SI: variants seen among roughly 807,000 people sequenced by gnomAD.
SI encodes the protein sucrase-isomaltase.
Under a neutral mutation model 253.3 loss-of-function variants are expected in SI, and 235 were observed. The observed-to-expected ratio is 0.93, with a 90% CI of 0.83 to 1.03. The LOEUF (loss-of-function observed/expected upper bound fraction) is 1.03. Among genes scored for constraint, SI ranks in the 50% least tolerant of loss-of-function variants. The pLI is 0.00. For missense variants in SI, 2,442 were observed against 2,211.1 expected, an observed-to-expected ratio of 1.10 and a Z score of -2.09; for synonymous variants, 819 against 712.0, an observed-to-expected ratio of 1.15 and a Z score of -2.39.
rs547589681 is a variant in SI at position 165,012,903 on chromosome 3, T to C, written c.4062+77A>G. ...CTATTTTTAAAGAAAAGCATTCAAA[T>C]TTAGTTATTGATTAAAATAATCAAG... On this transcript the variant is annotated intron_variant, in intron 34 of 47. Coordinates refer to ENST00000264382, the MANE Select transcript of SI (RefSeq NM_001041.4). 1,352 of 903,588 alleles carry C rather than the reference T, an allele frequency of 1.5e-3. 3 individuals carry two copies. The highest frequency in any genetic ancestry group is 2.3e-3 in the Admixed American group (137 of 58,856). 56.0% of individuals were successfully genotyped at this position (903,588 alleles called of 1,614,324 possible).
intron 15 of SI, among the ~76,000 whole-genome samples, chr3:165,047,835 T>G (rs928705300): frequency 3.5e-5 from 2 of 56,768 alleles, no homozygotes; most frequent in Non-Finnish European, 7.0e-5. Context: ...ACTTACATAA[T>G]TAAGAAGATT....
chr3:165,050,797 T>C (rs576826545), intron 13 of SI, among the ~76,000 whole-genome samples: 1 of 152,150 alleles, frequency 6.6e-6, no homozygotes, highest in Admixed American at 6.6e-5. Context: ...TAATTACATT[T>C]CCTTTTCCCC....
chr3:165,044,784 A>T (rs1238246670), intron 16 of SI, among the ~76,000 whole-genome samples: 2 of 151,924 alleles, frequency 1.3e-5, no homozygotes, highest in African/African-American at 4.8e-5. Flanking sequence ...TTCTCTTAAG[A>T]TTTATTCTCC....
At chr3:165,086,718 G>A in the SI span, among the ~76,000 whole-genome samples, 1 of 152,164 alleles carries the variant, frequency 6.6e-6, no homozygotes, top group Admixed American at 6.6e-5. Context: ...AAATCCAGAA[G>A]AACTCAAAGA....
chr3:164,992,146 G>T, intron 43 of SI, 31 bp downstream of exon 43: 2 of 1,567,862 alleles, frequency 1.3e-6, no homozygotes, highest in South Asian at 2.2e-5. Flanking sequence ...TTTCTGTTTA[G>T]TTAATTCCCC....
At chr3:165,027,272 C>T (rs1027983202) in intron 25 of SI, among the ~76,000 whole-genome samples, 1 of 151,010 alleles carries the variant, frequency 6.6e-6, no homozygotes, top group Admixed American at 6.6e-5. Flanking sequence ...ATTAGATAAC[C>T]TCAGCAGATC....
In SI at chr3:165,046,960, T is replaced by C. The variant is rs1713150838; in HGVS notation, c.1768A>G (p.Thr590Ala). The C allele has an allele frequency of 3.1e-6, 5 of 1,612,174 alleles. No individual in the cohort carries two copies. Among genetic ancestry groups the C allele is most frequent in the Non-Finnish European group, 4.2e-6 (5 of 1,179,152 alleles). ...NKRSFILTRS[T>A]FAGSGRHAAH... ...GCATGTCTTCCAGATCCAGCAAATG[T>C]TGAGCGGGTAAGAATGAAGCTTCTC... Residue 590 changes from threonine (T) to alanine (A), a missense_variant, in exon 16 of 48, where the codon ACA becomes GCA. Transcript: ENST00000264382.
At position 165,017,947 on chromosome 3, in the gene SI, C is replaced by T. The variant is rs2108175973; in HGVS notation, c.3520+23G>A. The T allele has an allele frequency of 2.5e-6, 4 of 1,584,388 alleles. No homozygotes were observed. In the South Asian group the frequency reaches 3.3e-5, roughly 13 times the overall value. ...TGAAAAAGTCACATAAAATAAGAGA[C>T]ATTCAACAAATGATTGTTTTACCCA... On this transcript the variant is annotated intron_variant, in intron 29 of 47. Transcript: ENST00000264382.
intron 37 of SI, among the ~76,000 whole-genome samples, chr3:165,005,927 C>A (rs1005921234): frequency 6.6e-6 from 1 of 151,934 alleles, no homozygotes; most frequent in Non-Finnish European, 1.5e-5. Flanking sequence ...ATTTCAATCA[C>A]TGCAAAACTT....
intron 33 of SI, among the ~76,000 whole-genome samples, chr3:165,013,824 A>G (rs1195790201): frequency 2.0e-5 from 3 of 152,156 alleles, no homozygotes; most frequent in Non-Finnish European, 4.4e-5. Flanking sequence ...GGAAGTTAAA[A>G]AAAAACCTCT....
At chr3:165,071,096 C>T (rs191109428) in intron 3 of SI, among the ~76,000 whole-genome samples, 15 of 152,182 alleles carry the variant, frequency 9.9e-5, no homozygotes, top group African/African-American at 2.6e-4. Flanking sequence ...TAATTTACTA[C>T]GACTACATCT....
In SI at chr3:165,009,410, T is replaced by C. The variant is rs1718665621; in HGVS notation, c.4063-15A>G. On this transcript the variant is annotated splice_polypyrimidine_tract_variant and intron_variant, in intron 34 of 47. Coordinates refer to ENST00000264382, the MANE Select transcript of SI (RefSeq NM_001041.4). ...GCTCTGGAAGCCTGTAAAACCAAAA[T>C]TTAGGCTCACATGTGGAAAGTCTTA... The C allele has an allele frequency of 6.9e-7, 1 of 1,442,586 alleles. No individual in the cohort carries two copies. Among genetic ancestry groups the C allele is most frequent in the African/African-American group, 1.4e-5 (1 of 71,682 alleles). 89.4% of individuals were successfully genotyped at this position (1,442,586 alleles called of 1,614,324 possible).
intron 3 of SI, among the ~76,000 whole-genome samples, chr3:165,074,215 A>G (rs1223468127): frequency 6.6e-6 from 1 of 152,096 alleles, no homozygotes; most frequent in African/African-American, 2.4e-5. Context: ...TAAATGTTCT[A>G]TATTATCAAA....
chr3:165,065,614 G>T (rs1029638682), intron 6 of SI, among the ~76,000 whole-genome samples, 182 bp from the exon 7 acceptor site: 2 of 150,456 alleles, frequency 1.3e-5, no homozygotes, highest in Admixed American at 1.3e-4. Context: ...AAAGAAATTT[G>T]TTCACTGCAT....
chr3:165,023,843 A>T, intron 25 of SI, 67 bp from the exon 26 acceptor site: 2 of 1,103,798 alleles, frequency 1.8e-6, no homozygotes, highest in Non-Finnish European at 2.7e-6. Flanking sequence ...CTTTAAAATT[A>T]TACTGACGTT....
At chr3:164,997,994 T>C (rs2108138107) in intron 38 of SI, among the ~76,000 whole-genome samples, 1 of 151,780 alleles carries the variant, frequency 6.6e-6, no homozygotes, top group East Asian at 1.9e-4. Flanking sequence ...ATGAACCTTC[T>C]TGTGCATGTC....
In SI at chr3:165,032,697, GA is replaced by G; in HGVS notation, c.2566-6del. 6.4e-7 allele frequency: 1 copy of G among 1,568,902 alleles called. No individual in the cohort carries two copies. Among genetic ancestry groups the G allele is most frequent in the Non-Finnish European group, 8.8e-7 (1 of 1,142,088 alleles). ...GCACACAATATCTAATGTGTTCTGA[GA>G]AAAATAGTATAAGATATTATATATT... On this transcript the variant is annotated splice_region_variant and splice_polypyrimidine_tract_variant and intron_variant, in intron 23 of 47. Coordinates refer to ENST00000264382, the MANE Select transcript of SI (RefSeq NM_001041.4).
intron 37 of SI, among the ~76,000 whole-genome samples, chr3:165,003,045 G>A (rs1462258065): frequency 6.6e-6 from 1 of 151,730 alleles, no homozygotes; most frequent in Non-Finnish European, 1.5e-5. Flanking sequence ...AAATATCTCT[G>A]CATATGGACT....
In SI at chr3:165,062,254, G is replaced by A. The variant is rs182093807; in HGVS notation, c.1020+117C>T. ...GCATCTTAAATATGATAAGATTTTC[G>A]AAAACATTTAGCTAAGAGGCCCCTA... On this transcript the variant is annotated intron_variant, in intron 9 of 47. Transcript: ENST00000264382. The A allele has an allele frequency of 7.9e-5, 51 of 644,534 alleles. 1 individual carries two copies. Among genetic ancestry groups the A allele is most frequent in the African/African-American group, 3.0e-4 (16 of 53,434 alleles). 39.9% of individuals were successfully genotyped at this position (644,534 alleles called of 1,614,324 possible).
Sources: gnomAD v4.1 joint callset for allele counts (sites outside exome capture counted in the v4.1 genomes callset) on GRCh38, gnomAD v4.1.1 for gene constraint, MANE v1.5 for transcripts, NCBI Gene and HGNC (gene_info 2026-07-23, HGNC 2026-07-21) for gene names.